The following ARHGAP26 variants were observed in gnomAD, a reference collection of about 807,000 sequenced individuals.
ARHGAP26 encodes the protein rho GTPase-activating protein 26.
In ARHGAP26, 38 loss-of-function variants were observed where a neutral mutation model predicts 104.8. That is an observed-to-expected ratio of 0.36 (90% confidence interval 0.28 to 0.48). The LOEUF is 0.48. Among genes scored for constraint, ARHGAP26 ranks in the 20% least tolerant of loss-of-function variants. The pLI, the probability that ARHGAP26 is intolerant of heterozygous loss-of-function variation, is 0.99. For synonymous variants in ARHGAP26, 341 were observed against 340.0 expected (o/e 1.00, Z -0.03); for missense variants, 704 against 947.9 (o/e 0.74, Z 3.38).
intron 20 of ARHGAP26, among the ~76,000 whole-genome samples, chr5:143,167,269 C>T (rs1802091527): frequency 6.9e-6 from 1 of 144,352 alleles, no homozygotes; most frequent in African/African-American, 2.6e-5. Context: ...GAGTTTGAGA[C>T]CAGCCTGGCC....
At chr5:142,805,761 T>A (rs1178892759) in intron 1 of ARHGAP26, among the ~76,000 whole-genome samples, 1 of 152,226 alleles carries the variant, frequency 6.6e-6, no homozygotes, top group Non-Finnish European at 1.5e-5. Context: ...TAGCCAGTGA[T>A]CCTGCTGCCT....
intron 12 of ARHGAP26, among the ~76,000 whole-genome samples, chr5:143,020,088 C>G (rs2152832789): frequency 6.6e-6 from 1 of 152,320 alleles, no homozygotes; most frequent in Non-Finnish European, 1.5e-5. Flanking sequence ...TTACTCCCAC[C>G]TGGATCTTGT....
At chr5:142,965,277 CTGA>C (rs1771121611) in intron 11 of ARHGAP26, among the ~76,000 whole-genome samples, 1 of 152,224 alleles carries the variant, frequency 6.6e-6, no homozygotes. Flanking sequence ...GCAAGCCTGA[CTGA>C]TGTCAGGCCC....
chr5:142,837,661 T>A (rs554660478), intron 1 of ARHGAP26, among the ~76,000 whole-genome samples: 2 of 152,354 alleles, frequency 1.3e-5, no homozygotes, highest in African/African-American at 4.8e-5. Context: ...TACTTTTGAA[T>A]GTGAAATCAG....
At chr5:142,976,930 C>T (rs796813330) in intron 11 of ARHGAP26, among the ~76,000 whole-genome samples, 6 of 152,308 alleles carry the variant, frequency 3.9e-5, no homozygotes, top group African/African-American at 7.2e-5. Context: ...CCCATTTGCA[C>T]GCAAGAGTAC....
intron 17 of ARHGAP26, among the ~76,000 whole-genome samples, chr5:143,097,360 GAAAAAAAAAA>G (rs56116431): frequency 1.5e-3 from 93 of 63,258 alleles, no homozygotes; most frequent in African/African-American, 4.4e-3. Context: ...TCAAAAAAAA[GAAAAAAAAAA>G]AAAAAAAAAA....
At chr5:142,774,076 G>A (rs1755804527) in intron 1 of ARHGAP26, among the ~76,000 whole-genome samples, 1 of 152,134 alleles carries the variant, frequency 6.6e-6, no homozygotes, top group Non-Finnish European at 1.5e-5. Flanking sequence ...AAATCCTAAT[G>A]GAACAAATGG....
In ARHGAP26 at chr5:143,007,292, T is replaced by C. The variant is rs117785724; in HGVS notation, c.1108-6788T>C. 5.1e-3 allele frequency among the ~76,000 whole-genome samples: 772 copies of C among 152,242 alleles called. 6 individuals carry two copies. The highest frequency in any genetic ancestry group is 8.5e-3 in the Non-Finnish European group (575 of 67,988). ...AACTGAGAAATCTGCCACAGAGTCT[T>C]TGGCAACCCTGGCCAGTTCTCTCTG... On this transcript the variant is annotated intron_variant, in intron 11 of 22. Transcript: ENST00000645722.
At chr5:143,219,665 T>C (rs1810882924) in intron 22 of ARHGAP26, among the ~76,000 whole-genome samples, 1 of 152,214 alleles carries the variant, frequency 6.6e-6, no homozygotes, top group South Asian at 2.1e-4. Context: ...GCCTCCCTCC[T>C]CTATTAGTAA....
intron 20 of ARHGAP26, among the ~76,000 whole-genome samples, chr5:143,196,336 C>T (rs1806825262): frequency 6.6e-6 from 1 of 152,092 alleles, no homozygotes; most frequent in South Asian, 2.1e-4. Context: ...TAAATACAGT[C>T]CATTCTTGTT....
intron 11 of ARHGAP26, among the ~76,000 whole-genome samples, chr5:143,013,059 T>A (rs745887938): frequency 1.3e-5 from 2 of 152,144 alleles, no homozygotes; most frequent in Admixed American, 6.5e-5. Context: ...CACCACCTTC[T>A]TTTGTAGAGC....
At position 143,222,461 on chromosome 5, in the gene ARHGAP26, A is replaced by G; in HGVS notation, c.*15A>G. 1 of 1,577,408 alleles carries G rather than the reference A, an allele frequency of 6.3e-7. No individual in the cohort carries two copies. Among genetic ancestry groups the G allele is most frequent in the Non-Finnish European group, 8.7e-7 (1 of 1,155,148 alleles). On this transcript the variant is annotated 3_prime_UTR_variant, in exon 23 of 23. Transcript: ENST00000645722. ...AGTTCCTCTAACCGTGGGCCCCAGC[A>G]GAACTGCTGAGCTTTACATGGTATC... is the stretch of plus-strand genomic sequence containing the variant.
At chr5:143,102,184 G>A (rs1223241644) in intron 17 of ARHGAP26, among the ~76,000 whole-genome samples, 2 of 152,088 alleles carry the variant, frequency 1.3e-5, no homozygotes, top group Non-Finnish European at 2.9e-5. Context: ...CGTACAGTGC[G>A]CGCCTGGCTG....
intron 17 of ARHGAP26, among the ~76,000 whole-genome samples, chr5:143,100,618 G>GT (rs1354647097): frequency 6.6e-6 from 1 of 152,236 alleles, no homozygotes; most frequent in Non-Finnish European, 1.5e-5. Flanking sequence ...CTTTCTTCCA[G>GT]TTTTAGGTTT....
intron 20 of ARHGAP26, among the ~76,000 whole-genome samples, chr5:143,200,382 A>G (rs1186399237): frequency 6.6e-6 from 1 of 152,222 alleles, no homozygotes; most frequent in African/African-American, 2.4e-5. Flanking sequence ...CTCTACAAAG[A>G]TGTGAGTTGC....
intron 17 of ARHGAP26, among the ~76,000 whole-genome samples, chr5:143,084,645 C>T (rs1429931738): frequency 1.3e-5 from 2 of 152,216 alleles, no homozygotes; most frequent in African/African-American, 4.8e-5. Context: ...TCCAGCCTCG[C>T]CTGTCTCCAC....
intron 13 of ARHGAP26, 62 bp from the exon 14 acceptor site, chr5:143,041,754 G>T: frequency 1.6e-6 from 2 of 1,261,030 alleles, no homozygotes; most frequent in Non-Finnish European, 2.2e-6. Flanking sequence ...GCATTTGGCT[G>T]GATTGGCCTG....
At chr5:142,876,776 CAAAAAAAAAA>C (rs34843524) in intron 3 of ARHGAP26, among the ~76,000 whole-genome samples, 1 of 48,462 alleles carries the variant, frequency 2.1e-5, no homozygotes, top group Admixed American at 2.6e-4. Flanking sequence ...GACCCTGTGT[CAAAAAAAAAA>C]AAAAAAAAAA....
intron 11 of ARHGAP26, among the ~76,000 whole-genome samples, chr5:142,973,248 T>C (rs1772544256): frequency 6.6e-6 from 1 of 152,352 alleles, no homozygotes; most frequent in East Asian, 1.9e-4. Flanking sequence ...AATAGCTTAC[T>C]AGTATGGGAC....
Sources: allele counts gnomAD v4.1 joint callset (sites outside exome capture counted in the v4.1 genomes callset), GRCh38; gene constraint gnomAD v4.1.1; transcripts MANE v1.5; gene names NCBI Gene and HGNC (gene_info 2026-07-23, HGNC 2026-07-21).